The following MRC1 variants were observed in gnomAD, a reference collection of about 807,000 sequenced individuals.
MRC1 encodes mannose receptor C-type 1.
MRC1 carries 62 observed loss-of-function variants against 102.9 expected under a neutral mutation model. That is an observed-to-expected ratio of 0.60 (90% CI 0.49 to 0.74). The LOEUF (loss-of-function observed/expected upper bound fraction) is 0.74. Among genes scored for constraint, MRC1 ranks in the 30% least tolerant of loss-of-function variants. The pLI, the probability that MRC1 is intolerant of heterozygous loss-of-function variation, is 0.00. For synonymous variants in MRC1, 457 were observed against 298.4 expected (o/e 1.53, Z -5.48); for missense variants, 1,237 against 862.8 (o/e 1.43, Z -5.43).
At chr10:17,851,190 T>G (rs1244452810) in intron 7 of MRC1, among the ~76,000 whole-genome samples, 4 of 152,198 alleles carry the variant, frequency 2.6e-5, no homozygotes, top group Non-Finnish European at 5.9e-5. Flanking sequence ...CCTGATATTT[T>G]TATTGCTATA....
chr10:17,833,867 A>G (rs1554839258), intron 4 of MRC1, 28 bp downstream of exon 4: 1 of 779,654 alleles, frequency 1.3e-6, no homozygotes, highest in Non-Finnish European at 2.4e-6. Flanking sequence ...CTCAAGTAAA[A>G]TCATGACTGC....
chr10:17,900,097 CAAAAAAA>C (rs1156472499), intron 24 of MRC1, among the ~76,000 whole-genome samples: 1 of 106,892 alleles, frequency 9.4e-6, no homozygotes, highest in South Asian at 3.2e-4. Context: ...AGACTTCTCT[CAAAAAAA>C]AAAAAAAAAA....
At chr10:17,866,830 C>T (rs993826525) in intron 12 of MRC1, 69 bp downstream of exon 12, 4 of 778,642 alleles carry the variant, frequency 5.1e-6, no homozygotes, top group Non-Finnish European at 9.6e-6. Flanking sequence ...CATCTAAGGA[C>T]ATAGAAAACA....
At chr10:17,840,265 A>G (rs1483050109) in intron 4 of MRC1, among the ~76,000 whole-genome samples, 4 of 150,892 alleles carry the variant, frequency 2.7e-5, no homozygotes, top group Non-Finnish European at 5.9e-5. Context: ...GTATTTAATC[A>G]TCATGTTAAC....
chr10:17,872,749 A>G, intron 15 of MRC1, among the ~76,000 whole-genome samples: 1 of 152,222 alleles, frequency 6.6e-6, no homozygotes, highest in East Asian at 1.9e-4. Context: ...AAAGTTCTGC[A>G]TATTCAAGTC....
At chr10:17,895,907 A>G (rs1269269709) in intron 23 of MRC1, among the ~76,000 whole-genome samples, 2 of 152,218 alleles carry the variant, frequency 1.3e-5, no homozygotes, top group African/African-American at 4.8e-5. Flanking sequence ...CTGCACTCAT[A>G]TTTATACCCA....
chr10:17,835,175 G>A (rs1265311606), intron 4 of MRC1, among the ~76,000 whole-genome samples: 1 of 152,048 alleles, frequency 6.6e-6, no homozygotes, highest in Non-Finnish European at 1.5e-5. Context: ...CTTTTGCCTG[G>A]AATTCTCACG....
chr10:17,881,338 C>T (rs1833514157), intron 21 of MRC1, among the ~76,000 whole-genome samples, 157 bp downstream of exon 21: 1 of 152,042 alleles, frequency 6.6e-6, no homozygotes, highest in Admixed American at 6.6e-5. Context: ...TATTTTATTC[C>T]ATTATAGCAC....
intron 22 of MRC1, among the ~76,000 whole-genome samples, chr10:17,893,137 TTCCC>T (rs1206626651): frequency 5.3e-5 from 8 of 151,640 alleles, no homozygotes; most frequent in African/African-American, 1.5e-4. Flanking sequence ...CAGCCCTTCC[TTCCC>T]TCCCTCCCTC....
intron 12 of MRC1, among the ~76,000 whole-genome samples, chr10:17,867,240 TC>T (rs1320883366): frequency 1.4e-5 from 2 of 141,364 alleles, no homozygotes; most frequent in South Asian, 5.1e-4. Context: ...CCCTCCTCTC[TC>T]CCCCTTCCCC....
At chr10:17,885,528 G>C in intron 22 of MRC1, 93 bp downstream of exon 22, 1 of 742,930 alleles carries the variant, frequency 1.3e-6, no homozygotes, top group Admixed American at 1.8e-5. Flanking sequence ...GAATCTACCA[G>C]AATACTCCTT....
At chr10:17,814,309 A>G (rs1362052052) in intron 1 of MRC1, among the ~76,000 whole-genome samples, 2 of 152,330 alleles carry the variant, frequency 1.3e-5, no homozygotes, top group African/African-American at 2.4e-5. Context: ...AAATAACACT[A>G]TGTTAGAAGA....
At chr10:17,817,238 A>G (rs1224225910) in intron 1 of MRC1, among the ~76,000 whole-genome samples, 3 of 124,766 alleles carry the variant, frequency 2.4e-5, no homozygotes, top group Non-Finnish European at 4.9e-5. Context: ...CGACAGAGTG[A>G]CTCTGTCTCA....
At chr10:17,825,075 C>T (rs939601722) in intron 2 of MRC1, among the ~76,000 whole-genome samples, 3,960 of 152,124 alleles carry the variant, frequency 0.026, 134 homozygotes, top group East Asian at 0.18. Context: ...ATTTTGCATA[C>T]TCCCCAAAGA....
At chr10:17,885,611 T>C (rs1833581534) in intron 22 of MRC1, among the ~76,000 whole-genome samples, 176 bp downstream of exon 22, 1 of 152,142 alleles carries the variant, frequency 6.6e-6, no homozygotes, top group Non-Finnish European at 1.5e-5. Flanking sequence ...ATAAATTCAG[T>C]TAAAAAATCT....
At chr10:17,867,220 C>G (rs967112023) in intron 12 of MRC1, among the ~76,000 whole-genome samples, 2 of 149,630 alleles carry the variant, frequency 1.3e-5, no homozygotes, top group Non-Finnish European at 3.0e-5. Flanking sequence ...CCTCCTCCTT[C>G]CTCCATCCTC....
chr10:17,900,747 G>C, intron 24 of MRC1, 41 bp from the exon 25 acceptor site: 1 of 780,530 alleles, frequency 1.3e-6, no homozygotes. Flanking sequence ...TTTTCTAAAT[G>C]AAGCAAGGCT....
At chr10:17,853,448 A>G (rs1833015382) in intron 8 of MRC1, among the ~76,000 whole-genome samples, 1 of 152,044 alleles carries the variant, frequency 6.6e-6, no homozygotes, top group Non-Finnish European at 1.5e-5. Context: ...AATGGTGTAT[A>G]TATATATCCA....
chr10:17,879,585 A>C, intron 18 of MRC1, 136 bp from the exon 19 acceptor site: 2 of 775,714 alleles, frequency 2.6e-6, no homozygotes, highest in Non-Finnish European at 4.8e-6. Flanking sequence ...CTAGACTCGA[A>C]CTCCTGGCCT....
Sources: allele counts gnomAD v4.1 joint callset (sites outside exome capture counted in the v4.1 genomes callset), GRCh38; gene constraint gnomAD v4.1.1; transcripts MANE v1.5; gene names NCBI Gene and HGNC (gene_info 2026-07-23, HGNC 2026-07-21).